The following CTNNA3 variants were observed in gnomAD, a reference collection of about 807,000 sequenced individuals.
CTNNA3 encodes catenin alpha 3.
Under a neutral mutation model 95.7 loss-of-function variants are expected in CTNNA3, and 76 were observed. The ratio of observed to expected loss-of-function variants is 0.79; its 90% CI spans 0.66 to 0.96. The LOEUF (loss-of-function observed/expected upper bound fraction) is 0.96, where lower values mean the gene tolerates loss of function less well. CTNNA3 is among the 40% of genes least tolerant of loss of function. CTNNA3 has a pLI of 0.00. For missense variants in CTNNA3, 1,191 were observed against 1,089.8 expected, an observed-to-expected ratio of 1.09 and a Z score of -1.31; for synonymous variants, 431 against 374.4, an observed-to-expected ratio of 1.15 and a Z score of -1.74.
intron 7 of CTNNA3, among the ~76,000 whole-genome samples, chr10:67,159,218 T>A (rs1299640545): frequency 6.6e-6 from 1 of 152,222 alleles, no homozygotes; most frequent in Non-Finnish European, 1.5e-5. Context: ...CTCAAATCAA[T>A]CACAACCCTT....
chr10:66,631,347 T>TC (rs1845127197), intron 9 of CTNNA3, among the ~76,000 whole-genome samples: 1 of 152,162 alleles, frequency 6.6e-6, no homozygotes. Flanking sequence ...CAGGCAACGT[T>TC]CCTATTAATT....
intron 7 of CTNNA3, among the ~76,000 whole-genome samples, chr10:67,014,505 T>A (rs537230691): frequency 6.1e-4 from 93 of 152,254 alleles, no homozygotes; most frequent in Admixed American, 3.1e-3. Context: ...CAAAATTAGT[T>A]TTTAGATTAA....
chr10:67,435,804 C>G (rs1461222808), intron 5 of CTNNA3, among the ~76,000 whole-genome samples: 1 of 152,054 alleles, frequency 6.6e-6, no homozygotes, highest in Non-Finnish European at 1.5e-5. Flanking sequence ...CTACAAAACA[C>G]TGCTGAAAGA....
chr10:67,259,448 C>T (rs1053076858), intron 5 of CTNNA3, among the ~76,000 whole-genome samples: 8 of 152,084 alleles, frequency 5.3e-5, no homozygotes, highest in African/African-American at 1.9e-4. Flanking sequence ...ATTAAAAGAG[C>T]TGAATACAAT....
At chr10:66,021,852 CT>C (rs34671813) in intron 15 of CTNNA3, among the ~76,000 whole-genome samples, 10,289 of 75,934 alleles carry the variant, frequency 0.14, 1,965 homozygotes, top group Non-Finnish European at 0.19. Context: ...AGGATCTTGG[CT>C]TTTTTTTTTT....
chr10:66,070,199 T>G (rs2080406614), intron 14 of CTNNA3, among the ~76,000 whole-genome samples: 1 of 152,172 alleles, frequency 6.6e-6, no homozygotes, highest in South Asian at 2.1e-4. Context: ...CCTCTGAAAG[T>G]AGTTTGTAGT....
chr10:66,038,022 C>T (rs1040341547), intron 15 of CTNNA3, among the ~76,000 whole-genome samples: 6 of 152,182 alleles, frequency 3.9e-5, no homozygotes, highest in Non-Finnish European at 5.9e-5. Flanking sequence ...AGCCCAGAAG[C>T]TCTACGCATT....
intron 11 of CTNNA3, among the ~76,000 whole-genome samples, chr10:66,454,349 T>C (rs967133444): frequency 6.6e-6 from 1 of 152,000 alleles, no homozygotes; most frequent in Non-Finnish European, 1.5e-5. Flanking sequence ...TCTAGCAAGA[T>C]TGTCAAAGAA....
chr10:67,233,791 A>G (rs1865331631), intron 5 of CTNNA3, among the ~76,000 whole-genome samples: 1 of 152,052 alleles, frequency 6.6e-6, no homozygotes, highest in Admixed American at 6.6e-5. Flanking sequence ...AAAAAGAGAG[A>G]AGAATCAAAT....
rs1176741651 is a variant in CTNNA3 at position 67,211,117 on chromosome 10, T to A, written c.843+8490A>T. 2.0e-5 allele frequency among the ~76,000 whole-genome samples: 3 copies of A among 151,294 alleles called. No homozygotes were observed. The East Asian group carries it at 6.3e-4, about 32-fold the overall frequency. On this transcript the variant is annotated intron_variant, in intron 6 of 17. Coordinates refer to ENST00000433211, the MANE Select transcript of CTNNA3 (RefSeq NM_013266.4). ...ATTTTTACTTATTTTCTAGCTCCCA[T>A]TAAGCACATGACAATGTGGAAATAG...
intron 5 of CTNNA3, among the ~76,000 whole-genome samples, chr10:67,368,382 A>G (rs1247543511): frequency 6.6e-6 from 1 of 152,202 alleles, no homozygotes; most frequent in Non-Finnish European, 1.5e-5. Flanking sequence ...AAGGATGTGG[A>G]CCACTGAAAC....
At chr10:66,982,568 ATAT>A (rs958925035) in intron 7 of CTNNA3, among the ~76,000 whole-genome samples, 14 of 152,196 alleles carry the variant, frequency 9.2e-5, no homozygotes, top group African/African-American at 3.1e-4. Flanking sequence ...GAGGTATAAA[ATAT>A]TATCTTAAGA....
chr10:66,874,443 A>G (rs1844535454), intron 7 of CTNNA3, among the ~76,000 whole-genome samples: 1 of 152,192 alleles, frequency 6.6e-6, no homozygotes, highest in African/African-American at 2.4e-5. Flanking sequence ...AAAATATGTG[A>G]CAGTACCTAC....
At chr10:66,243,050 G>T (rs150638253) in intron 13 of CTNNA3, among the ~76,000 whole-genome samples, 13 of 152,252 alleles carry the variant, frequency 8.5e-5, no homozygotes, top group Non-Finnish European at 1.6e-4. Context: ...TCATGGGAAG[G>T]AGGGGTCAGA....
chr10:66,362,096 ATTTTTTTTT>A (rs569047811), intron 12 of CTNNA3, among the ~76,000 whole-genome samples: 31 of 81,778 alleles, frequency 3.8e-4, no homozygotes, highest in African/African-American at 1.4e-3. Context: ...TTCATACACA[ATTTTTTTTT>A]TTTTTTTTTT....
chr10:67,646,223 C>T (rs1413381912), intron 2 of CTNNA3, among the ~76,000 whole-genome samples: 2 of 149,710 alleles, frequency 1.3e-5, no homozygotes, highest in African/African-American at 2.5e-5. Context: ...CACTATGTTG[C>T]CCAGGCTGGT....
chr10:67,111,146 G>C (rs61866861), intron 7 of CTNNA3, among the ~76,000 whole-genome samples: 5,951 of 152,178 alleles, frequency 0.039, 179 homozygotes, highest in Middle Eastern at 0.065. Context: ...CTCAGTTTGA[G>C]TTTTATATAG....
At chr10:67,068,800 C>T (rs1026280587) in intron 7 of CTNNA3, among the ~76,000 whole-genome samples, 2 of 152,318 alleles carry the variant, frequency 1.3e-5, no homozygotes, top group Non-Finnish European at 2.9e-5. Context: ...TGGCTTACGC[C>T]TGTAATCCCA....
chr10:66,855,778 T>C (rs2132395198), intron 7 of CTNNA3, among the ~76,000 whole-genome samples: 1 of 152,162 alleles, frequency 6.6e-6, no homozygotes, highest in East Asian at 1.9e-4. Flanking sequence ...CATCATGTTC[T>C]TAAGGGTTAT....
Sources: gnomAD v4.1 joint callset for allele counts (sites outside exome capture counted in the v4.1 genomes callset) on GRCh38, gnomAD v4.1.1 for gene constraint, MANE v1.5 for transcripts, NCBI Gene and HGNC (gene_info 2026-07-23, HGNC 2026-07-21) for gene names.